The following FNBP1 variants were observed in gnomAD, a reference collection of about 807,000 sequenced individuals.
FNBP1 encodes the protein formin binding protein 1.
Under a neutral mutation model 90.6 loss-of-function variants are expected in FNBP1, and 26 were observed. The observed-to-expected ratio is 0.29, with a 90% CI of 0.21 to 0.40. The LOEUF (loss-of-function observed/expected upper bound fraction) is 0.40. FNBP1 is among the 10% of genes least tolerant of loss of function. The probability of loss-of-function intolerance (pLI) is 1.00; values close to 1 mark genes in which losing one functional copy is unlikely to be tolerated. For missense variants in FNBP1, 635 were observed against 768.0 expected, an observed-to-expected ratio of 0.83 and a Z score of 2.05; for synonymous variants, 260 against 265.2, an observed-to-expected ratio of 0.98 and a Z score of 0.19.
At chr9:130,052,976 C>A in the FNBP1 span, among the ~76,000 whole-genome samples, 3 of 151,822 alleles carry the variant, frequency 2.0e-5, no homozygotes, top group African/African-American at 7.3e-5. Context: ...ATTAGCCGGG[C>A]GTGGTGGCGC....
At chr9:129,895,789 T>G in intron 16 of FNBP1, 49 bp downstream of exon 16, 1 of 1,476,454 alleles carries the variant, frequency 6.8e-7, no homozygotes, top group Non-Finnish European at 9.0e-7. Context: ...AACAACTCCA[T>G]TTTTTTTAAG....
chr9:129,985,406 A>G (rs1364199757), intron 2 of FNBP1, among the ~76,000 whole-genome samples: 2 of 152,244 alleles, frequency 1.3e-5, no homozygotes. Context: ...GAAAATCATG[A>G]AACAAGGAGA....
chr9:130,017,785 G>A (rs1350802013), intron 1 of FNBP1, among the ~76,000 whole-genome samples: 3 of 149,106 alleles, frequency 2.0e-5, no homozygotes, highest in Admixed American at 6.7e-5. Context: ...AGCTAAGATC[G>A]CACTACTGCA....
At position 129,890,498 on chromosome 9, in the gene FNBP1, T is replaced by TCCTCCAGGAAGGCTCACCCGAGG; in HGVS notation, c.*18_*40dup. On this transcript the variant is annotated 3_prime_UTR_variant, in exon 17 of 17. Coordinates refer to ENST00000446176, the MANE Select transcript of FNBP1 (RefSeq NM_015033.3). This position sits in a 1 kb window ranked among gnomAD's most constrained non-coding sequence, Gnocchi z 5.8. Reference sequence around the variant, plus strand: ...CCTGTGGGAACAAGCAGACGGAGGCTCCTCCAGGAAGGCTCACCCGAGGCT... The same window carrying TCCTCCAGGAAGGCTCACCCGAGG: ...CCTGTGGGAACAAGCAGACGGAGGCTCCTCCAGGAAGGCTCACCCGAGGCCTCCAGGAAGGCTCACCCGAGGCT... 6.4e-7 allele frequency: 1 copy of TCCTCCAGGAAGGCTCACCCGAGG among 1,561,174 alleles called. No individual in the cohort carries two copies. Among genetic ancestry groups the TCCTCCAGGAAGGCTCACCCGAGG allele is most frequent in the South Asian group, 1.2e-5 (1 of 85,374 alleles).
chr9:129,965,710 A>ACG (rs1294809804), intron 4 of FNBP1, among the ~76,000 whole-genome samples: 4 of 142,072 alleles, frequency 2.8e-5, no homozygotes, highest in South Asian at 2.3e-4. Flanking sequence ...GCGCGCGCGC[A>ACG]CACACACACA....
chr9:130,011,148 G>T (rs546298237), intron 1 of FNBP1, among the ~76,000 whole-genome samples: 1 of 142,290 alleles, frequency 7.0e-6, no homozygotes, highest in Non-Finnish European at 1.5e-5. Context: ...CCCAGGAGGC[G>T]GAGCTTGCAG....
Position 129,957,042 on chromosome 9 carries a change from C to CTT in FNBP1, c.513+316_513+317dup, listed in dbSNP as rs34387590. 2.5e-3 allele frequency among the ~76,000 whole-genome samples: 364 copies of CTT among 143,802 alleles called. 13 individuals are homozygous for CTT. The highest frequency in any genetic ancestry group is 3.6e-3 in the Middle Eastern group (1 of 278). The allele number at this position is 143,802 out of a possible 152,430, so 94.3% of individuals were successfully genotyped here. A position where few individuals can be genotyped will look rare whatever the true frequency, so the allele number is the denominator to read the frequency against. ...AAGACACACTTGAGCTTTCTTTTGT[C>CTT]TTTTTTTTTTTTTGGCGATAGTTTC... On this transcript the variant is annotated intron_variant, in intron 6 of 16. Coordinates refer to ENST00000446176, the MANE Select transcript of FNBP1 (RefSeq NM_015033.3). The surrounding 1 kb of genome is among the most constrained non-coding windows in gnomAD (Gnocchi z 4.3).
intron 4 of FNBP1, among the ~76,000 whole-genome samples, chr9:129,975,165 G>A (rs2050113885): frequency 6.6e-6 from 1 of 152,224 alleles, no homozygotes; most frequent in Non-Finnish European, 1.5e-5. Context: ...GCTGCAGTAA[G>A]CCGAGTTTGT....
intron 2 of FNBP1, among the ~76,000 whole-genome samples, chr9:129,981,281 G>T (rs369129504): frequency 2.6e-5 from 4 of 151,896 alleles, no homozygotes; most frequent in African/African-American, 9.7e-5. Context: ...TAGAGACGGG[G>T]TTTCACCACG....
intron 2 of FNBP1, among the ~76,000 whole-genome samples, chr9:129,980,887 T>A (rs543337999): frequency 1.3e-5 from 2 of 151,294 alleles, no homozygotes; most frequent in Middle Eastern, 3.4e-3. Context: ...CCGTCTCTAC[T>A]AAAAATACAA....
At chr9:129,990,715 G>C (rs2053002223) in intron 2 of FNBP1, among the ~76,000 whole-genome samples, 1 of 152,132 alleles carries the variant, frequency 6.6e-6, no homozygotes, top group Admixed American at 6.6e-5. Flanking sequence ...GATAGAGGTA[G>C]AATAAGGGAA....
intron 4 of FNBP1, among the ~76,000 whole-genome samples, chr9:129,963,930 G>A (rs1301408759): frequency 6.6e-6 from 1 of 151,980 alleles, no homozygotes; most frequent in African/African-American, 2.4e-5. Flanking sequence ...CTTTTTCACA[G>A]TACCTGTCCC....
At chr9:129,986,783 C>A (rs1438498392) in intron 2 of FNBP1, among the ~76,000 whole-genome samples, 2 of 151,272 alleles carry the variant, frequency 1.3e-5, no homozygotes, top group Non-Finnish European at 2.9e-5. Flanking sequence ...GAGCGAGATG[C>A]CGTCTCAAGA....
intron 12 of FNBP1, 101 bp downstream of exon 12, chr9:129,908,789 G>A (rs943069599): frequency 1.4e-6 from 1 of 707,994 alleles, no homozygotes; most frequent in South Asian, 1.6e-5. Flanking sequence ...TTGACCTCAG[G>A]TGATCCACCC....
intron 4 of FNBP1, among the ~76,000 whole-genome samples, chr9:129,972,230 T>C (rs2049569481): frequency 6.6e-6 from 1 of 151,752 alleles, no homozygotes; most frequent in Non-Finnish European, 1.5e-5. Flanking sequence ...GCCTCCCGGG[T>C]TCAAGCGATT....
chr9:130,039,303 T>C (rs1462926402), intron 1 of FNBP1, among the ~76,000 whole-genome samples: 2 of 152,194 alleles, frequency 1.3e-5, no homozygotes, highest in Non-Finnish European at 2.9e-5. Flanking sequence ...ATTTTGAAAA[T>C]TGATTAAAAG....
intron 1 of FNBP1, among the ~76,000 whole-genome samples, chr9:130,006,583 T>C (rs2055735389): frequency 6.6e-6 from 1 of 151,984 alleles, no homozygotes; most frequent in African/African-American, 2.4e-5. Context: ...GGCAGGAGAA[T>C]CGCTTGACCC....
intron 6 of FNBP1, chr9:129,936,249 A>G (rs1348451396): frequency 6.6e-6 from 1 of 152,202 alleles, no homozygotes; most frequent in Non-Finnish European, 1.5e-5. Context: ...CGTTATCACA[A>G]GAAGAGACCA....
intron 4 of FNBP1, among the ~76,000 whole-genome samples, chr9:129,975,705 C>T (rs1038287289): frequency 7.2e-5 from 11 of 151,944 alleles, no homozygotes; most frequent in African/African-American, 2.4e-5. Flanking sequence ...AGTGCGAGAC[C>T]AGCCTGGCCA....
Sources: gnomAD v4.1 joint callset for allele counts (sites outside exome capture counted in the v4.1 genomes callset) on GRCh38, gnomAD v4.1.1 for gene constraint, Gnocchi (gnomAD v3.1) non-coding constraint, MANE v1.5 for transcripts, NCBI Gene and HGNC (gene_info 2026-07-23, HGNC 2026-07-21) for gene names.